Variants in SMARCA2 observed in about 807,000 individuals in gnomAD.
SMARCA2 encodes the protein SWI/SNF related BAF chromatin remodeling complex subunit ATPase 2, also known as SWI/SNF-related matrix-associated actin-dependent regulator of chromatin subfamily A member 2.
In SMARCA2, 61 loss-of-function variants were observed where a neutral mutation model predicts 199.8. The ratio of observed to expected loss-of-function variants is 0.31; its 90% CI spans 0.25 to 0.38. The LOEUF is 0.38. SMARCA2 is among the 10% of genes least tolerant of loss of function. SMARCA2 has a pLI of 1.00. For synonymous variants in SMARCA2, 935 were observed against 732.0 expected (o/e 1.28, Z -4.48); for missense variants, 1,344 against 2,012.2 (o/e 0.67, Z 6.35).
In SMARCA2 at chr9:2,169,627, A is replaced by G. The variant is rs557108906; in HGVS notation, c.4200-792A>G. 9.8e-4 allele frequency among the ~76,000 whole-genome samples: 149 copies of G among 152,266 alleles called. No homozygotes were observed. Among genetic ancestry groups the G allele is most frequent in the African/African-American group, 3.5e-3 (146 of 41,550 alleles). On this transcript the variant is annotated intron_variant, in intron 28 of 33. Coordinates refer to ENST00000349721, the MANE Select transcript of SMARCA2 (RefSeq NM_003070.5). The surrounding 1 kb of genome is among the most constrained non-coding windows in gnomAD (Gnocchi z 6.5). ...TCCGAGAAGGGATTTATACATGGACAGGCACAGGCTGTGAATCCCAAAGGG... is the reference window on the plus strand; with the variant it reads ...TCCGAGAAGGGATTTATACATGGACGGGCACAGGCTGTGAATCCCAAAGGG...
intron 27 of SMARCA2, among the ~76,000 whole-genome samples, chr9:2,124,147 G>T (rs1823586558): frequency 6.6e-6 from 1 of 152,214 alleles, no homozygotes; most frequent in Non-Finnish European, 1.5e-5. Flanking sequence ...GCACTTCAAG[G>T]CGGTGCTTGG....
intron 31 of SMARCA2, among the ~76,000 whole-genome samples, chr9:2,182,481 T>G (rs966534805): frequency 5.2e-5 from 1 of 19,066 alleles, no homozygotes; most frequent in African/African-American, 2.9e-4. Flanking sequence ...TTATAGTCTT[T>G]TTTTTTTTTT....
intron 27 of SMARCA2, among the ~76,000 whole-genome samples, chr9:2,145,495 T>C (rs10964975): frequency 0.053 from 8,058 of 152,190 alleles, 711 homozygotes; most frequent in African/African-American, 0.18. Context: ...AGGAATTTTA[T>C]TGTGTGGTCA....
At chr9:2,075,967 A>G (rs1022414070) in intron 12 of SMARCA2, among the ~76,000 whole-genome samples, 4 of 152,192 alleles carry the variant, frequency 2.6e-5, no homozygotes, top group African/African-American at 4.8e-5. Flanking sequence ...CTGGCATGAT[A>G]TTTACATACT....
At chr9:2,096,801 G>A (rs1050835609) in intron 20 of SMARCA2, 37 bp downstream of exon 20, 1 of 1,204,410 alleles carries the variant, frequency 8.3e-7, no homozygotes, top group African/African-American at 1.5e-5. Context: ...AAGGTGCTGT[G>A]GTATGTCTTC....
chr9:2,057,719 G>A (rs886548862), intron 7 of SMARCA2, among the ~76,000 whole-genome samples: 1 of 152,096 alleles, frequency 6.6e-6, no homozygotes, highest in African/African-American at 2.4e-5. Flanking sequence ...CCTGTAAATT[G>A]TATTTGTTTT....
chr9:2,051,803 T>C (rs1414879649), intron 5 of SMARCA2, among the ~76,000 whole-genome samples: 2 of 152,062 alleles, frequency 1.3e-5, no homozygotes, highest in Non-Finnish European at 2.9e-5. Context: ...CCTGTGAAAG[T>C]AAAGTTGTCT....
chr9:2,127,215 A>G (rs1458600347), intron 27 of SMARCA2, among the ~76,000 whole-genome samples: 5 of 151,942 alleles, frequency 3.3e-5, no homozygotes, highest in Admixed American at 3.3e-4. Flanking sequence ...GTAGTTGCCA[A>G]CCTGCCTGCT....
chr9:2,029,981 C>T (rs779955735), intron 2 of SMARCA2, among the ~76,000 whole-genome samples: 1 of 152,190 alleles, frequency 6.6e-6, no homozygotes. Context: ...AAACAAGATC[C>T]TCTGTGACAG....
rs372031564 is a variant in SMARCA2, at chr9:2,059,752, G to A, written c.1522-1064G>A. Among the ~76,000 whole-genome samples, 6 of 152,162 alleles carry A rather than the reference G, an allele frequency of 3.9e-5. No individual in the cohort carries two copies. In the East Asian group the frequency reaches 7.7e-4, roughly 20 times the overall value. On this transcript the variant is annotated intron_variant, in intron 8 of 33. Transcript: ENST00000349721. ...ACAGGGCAGACGGCAGCTAGACTGA[G>A]TGATGAAGCTGCTGTCACTCAGGCA...
At chr9:2,179,108 T>C (rs1452890321) in intron 29 of SMARCA2, among the ~76,000 whole-genome samples, 1 of 151,966 alleles carries the variant, frequency 6.6e-6, no homozygotes, top group Non-Finnish European at 1.5e-5. Flanking sequence ...TTTCCAGCTA[T>C]GGAGTGAGAG....
chr9:2,192,933 A>G lies in SMARCA2; in HGVS notation c.*194A>G. The G allele has an allele frequency of 3.7e-6, 2 of 545,292 alleles. No homozygotes were observed. Among genetic ancestry groups the G allele is most frequent in the South Asian group, 5.6e-5 (2 of 35,676 alleles). The allele number at this position is 545,292 out of a possible 1,614,324, so 33.8% of individuals were successfully genotyped here. ...AACACACACATACACAAATATTTGTAACATATTGTGACCAAATGGGCCTCA... is the reference window on the plus strand; with the variant it reads ...AACACACACATACACAAATATTTGTGACATATTGTGACCAAATGGGCCTCA... On this transcript the variant is annotated 3_prime_UTR_variant, in exon 34 of 34. Coordinates refer to ENST00000349721, the MANE Select transcript of SMARCA2 (RefSeq NM_003070.5).
intron 29 of SMARCA2, among the ~76,000 whole-genome samples, chr9:2,171,220 T>C (rs1826231309): frequency 6.6e-6 from 1 of 152,312 alleles, no homozygotes; most frequent in East Asian, 1.9e-4. Flanking sequence ...ATAACATTTC[T>C]TTCTCCATTT....
intron 16 of SMARCA2, among the ~76,000 whole-genome samples, 194 bp from the exon 17 acceptor site, chr9:2,083,892 T>C (rs75684983): frequency 3.5e-3 from 533 of 152,258 alleles, no homozygotes; most frequent in South Asian, 0.012. Context: ...AAAACCTTTC[T>C]AAAAAAAGAT....
At position 2,182,172 on chromosome 9, in the gene SMARCA2, T is replaced by C. The variant is rs1429645861; in HGVS notation, c.4391T>C (p.Leu1464Pro). The C allele has an allele frequency of 1.9e-6, 3 of 1,613,438 alleles. No homozygotes were observed. The highest frequency in any genetic ancestry group is 3.3e-5 in the Admixed American group (2 of 60,024). The part of the protein sequence containing the change: ...ERIRNHKYRS[L>P]GDLEKDVMLL... ...ATTCGTAATCATAAGTACCGGAGCC[T>C]AGGCGACCTGGAGAAGGATGTCATG... The change falls in exon 31 of 34, where the codon CTA (leucine) becomes CCA (proline). Residue 1464 changes from leucine to proline, a missense_variant. Coordinates refer to ENST00000349721, the MANE Select transcript of SMARCA2 (RefSeq NM_003070.5).
chr9:2,029,199 G>A lies in SMARCA2; in HGVS notation c.177G>A (p.Thr59=), dbSNP rs10964471. ...GPPSVSHPMP[T]MGSTDFPQEG... is the part of the protein sequence containing the mutation. Reference sequence around the variant, plus strand: ...CAAGTGTCTCCCATCCTATGCCGACGATGGGGTCCACAGACTTCCCACAGG... The same window carrying A: ...CAAGTGTCTCCCATCCTATGCCGACAATGGGGTCCACAGACTTCCCACAGG... The change falls in exon 2 of 34, where the codon ACG becomes ACA. Residue 59 remains threonine (T), a synonymous_variant. Coordinates refer to ENST00000349721, the MANE Select transcript of SMARCA2 (RefSeq NM_003070.5). The A allele has an allele frequency of 0.094, 150,936 of 1,613,014 alleles. 8,089 individuals carry two copies. Among genetic ancestry groups the A allele is most frequent in the East Asian group, 0.23 (10,425 of 44,850 alleles).
intron 27 of SMARCA2, among the ~76,000 whole-genome samples, chr9:2,145,097 C>T (rs1370770514): frequency 2.0e-5 from 3 of 152,018 alleles, no homozygotes; most frequent in African/African-American, 7.2e-5. Context: ...GTCAGGAGTT[C>T]GAAACCAGTC....
chr9:2,176,282 C>T (rs1417311148), intron 29 of SMARCA2, among the ~76,000 whole-genome samples: 2 of 149,582 alleles, frequency 1.3e-5, no homozygotes, highest in Non-Finnish European at 3.0e-5. Flanking sequence ...GTTCTTTCCA[C>T]AACTGTTAAA....
Position 2,115,096 on chromosome 9 carries a change from C to T in SMARCA2, c.3457-726C>T, listed in dbSNP as rs935636467. Among the ~76,000 whole-genome samples, 3 of 151,784 alleles carry T rather than the reference C, an allele frequency of 2.0e-5. No homozygotes were observed. Among genetic ancestry groups the T allele is most frequent in the African/African-American group, 7.3e-5 (3 of 41,302 alleles). On this transcript the variant is annotated intron_variant, in intron 24 of 33. Coordinates refer to ENST00000349721, the MANE Select transcript of SMARCA2 (RefSeq NM_003070.5). The surrounding 1 kb of genome is among the most constrained non-coding windows in gnomAD (Gnocchi z 6.0). ...GTAAATTATTCTGAGAAGGTACATC[C>T]TTATTTCTAAATCTTTGTGCATATC...
Sources: gnomAD v4.1 joint callset for allele counts (sites outside exome capture counted in the v4.1 genomes callset) on GRCh38, gnomAD v4.1.1 for gene constraint, Gnocchi (gnomAD v3.1) non-coding constraint, MANE v1.5 for transcripts, NCBI Gene and HGNC (gene_info 2026-07-23, HGNC 2026-07-21) for gene names.